SLC38A9: variants seen among roughly 807,000 people sequenced by gnomAD.
SLC38A9 encodes neutral amino acid transporter 9.
In SLC38A9, 48 loss-of-function variants were observed where a neutral mutation model predicts 62.3. The observed-to-expected ratio is 0.77, with a 90% CI of 0.61 to 0.98. The LOEUF is 0.98. Among genes scored for constraint, SLC38A9 ranks in the 50% least tolerant of loss-of-function variants. SLC38A9 has a pLI of 0.00. For missense variants in SLC38A9, 541 were observed against 679.8 expected, an observed-to-expected ratio of 0.80 and a Z score of 2.27; for synonymous variants, 204 against 227.7, an observed-to-expected ratio of 0.90 and a Z score of 0.94.
intron 3 of SLC38A9, among the ~76,000 whole-genome samples, chr5:55,683,675 C>T (rs1753359847): frequency 6.6e-6 from 1 of 152,186 alleles, no homozygotes; most frequent in South Asian, 2.1e-4. Context: ...TGTCTGGCTT[C>T]TTTTGCCAAC....
intron 14 of SLC38A9, among the ~76,000 whole-genome samples, chr5:55,633,063 G>A (rs73119744): frequency 0.049 from 7,387 of 151,028 alleles, 309 homozygotes; most frequent in African/African-American, 0.12. Flanking sequence ...GAGCAGTGGC[G>A]TGATCTCAGC....
intron 10 of SLC38A9, among the ~76,000 whole-genome samples, chr5:55,649,895 T>C (rs1747084271): frequency 6.6e-6 from 1 of 152,114 alleles, no homozygotes; most frequent in African/African-American, 2.4e-5. Context: ...GCAAAACTGC[T>C]TCATTTACTT....
At chr5:55,697,576 G>A (rs1425417681) in intron 3 of SLC38A9, among the ~76,000 whole-genome samples, 4 of 145,596 alleles carry the variant, frequency 2.7e-5, no homozygotes, top group African/African-American at 1.0e-4. Context: ...ATACATATTT[G>A]TTAAATGAAT....
chr5:55,626,268 G>A lies in SLC38A9; in HGVS notation c.*226C>T. 2.6e-6 allele frequency: 1 copy of A among 384,474 alleles called. No homozygotes were observed. The highest frequency in any genetic ancestry group is 4.0e-5 in the Admixed American group (1 of 25,052). 23.8% of individuals were successfully genotyped at this position (384,474 alleles called of 1,614,324 possible). A position where few individuals can be genotyped will look rare whatever the true frequency, so the allele number is the denominator to read the frequency against. ...TCAGAAAAGACCACAGAATAAAGAG[G>A]TGAGTTAATATGAGAAAGGTAAAGA... On this transcript the variant is annotated 3_prime_UTR_variant, in exon 16 of 16. Transcript: ENST00000396865.
At chr5:55,627,274 G>A (rs1295477581) in intron 15 of SLC38A9, among the ~76,000 whole-genome samples, 1 of 151,980 alleles carries the variant, frequency 6.6e-6, no homozygotes, top group Non-Finnish European at 1.5e-5. Flanking sequence ...TTAGGTAAGA[G>A]TGTTCCAAAA....
At chr5:55,663,732 C>G (rs1195211124) in intron 8 of SLC38A9, among the ~76,000 whole-genome samples, 1 of 151,480 alleles carries the variant, frequency 6.6e-6, no homozygotes, top group Non-Finnish European at 1.5e-5. Context: ...GACTCTGTCT[C>G]CAAAAAACCT....
chr5:55,670,384 A>C (rs1478143167), intron 4 of SLC38A9, among the ~76,000 whole-genome samples: 2 of 152,206 alleles, frequency 1.3e-5, no homozygotes, highest in South Asian at 2.1e-4. Context: ...AAAAACCCAA[A>C]ATAATTTTGG....
intron 9 of SLC38A9, among the ~76,000 whole-genome samples, chr5:55,655,862 T>C (rs73127619): frequency 0.043 from 6,572 of 152,250 alleles, 222 homozygotes; most frequent in African/African-American, 0.093. Flanking sequence ...ACCAAAGTTA[T>C]ATTAATGTTT....
intron 12 of SLC38A9, among the ~76,000 whole-genome samples, chr5:55,639,272 T>TAAAAAAAAAA (rs753043231): frequency 4.0e-4 from 22 of 54,502 alleles, no homozygotes; most frequent in East Asian, 9.8e-4. Context: ...AAACTCTGTC[T>TAAAAAAAAAA]AAAAAAAAAA....
At chr5:55,630,128 T>G (rs1165914866) in intron 14 of SLC38A9, among the ~76,000 whole-genome samples, 1 of 152,192 alleles carries the variant, frequency 6.6e-6, no homozygotes, top group African/African-American at 2.4e-5. Flanking sequence ...TCCACAATTA[T>G]ATGAAAAAGC....
At chr5:55,709,509 G>C (rs1274154939) in intron 2 of SLC38A9, among the ~76,000 whole-genome samples, 1 of 151,514 alleles carries the variant, frequency 6.6e-6, no homozygotes. Flanking sequence ...TTGAACCTAG[G>C]AGTTCAAGGT....
chr5:55,649,907 T>C (rs1747085264), intron 10 of SLC38A9, among the ~76,000 whole-genome samples: 2 of 152,118 alleles, frequency 1.3e-5, no homozygotes. Flanking sequence ...CATTTACTTA[T>C]GAGTTGAGTT....
intron 1 of SLC38A9, among the ~76,000 whole-genome samples, chr5:55,711,725 A>G (rs527436437): frequency 6.6e-6 from 1 of 151,878 alleles, no homozygotes; most frequent in Non-Finnish European, 1.5e-5. Context: ...GATGTCCCCA[A>G]CTCGGGATGG....
At chr5:55,692,896 A>G in intron 3 of SLC38A9, 14 of 977,990 alleles carry the variant, frequency 1.4e-5, no homozygotes, top group Non-Finnish European at 1.6e-5. Flanking sequence ...TTATTTCATT[A>G]TCTTTTCTGA....
intron 12 of SLC38A9, 38 bp downstream of exon 12, chr5:55,645,751 G>A (rs112664540): frequency 4.0e-5 from 56 of 1,383,582 alleles, no homozygotes; most frequent in East Asian, 1.6e-4. Flanking sequence ...ATTTATCCTC[G>A]GGAGATACAA....
chr5:55,682,449 C>G (rs569213387), intron 3 of SLC38A9, among the ~76,000 whole-genome samples: 1 of 152,240 alleles, frequency 6.6e-6, no homozygotes, highest in East Asian at 1.9e-4. Flanking sequence ...AATGCTAGTA[C>G]AGGATGAGTT....
At chr5:55,657,356 C>T (rs903223001) in intron 8 of SLC38A9, among the ~76,000 whole-genome samples, 1 of 152,026 alleles carries the variant, frequency 6.6e-6, no homozygotes, top group East Asian at 1.9e-4. Flanking sequence ...TTTAAAGCCC[C>T]GGAATAAAGA....
chr5:55,638,586 C>T (rs570438184), intron 12 of SLC38A9, among the ~76,000 whole-genome samples: 5 of 152,264 alleles, frequency 3.3e-5, no homozygotes, highest in Non-Finnish European at 7.4e-5. Flanking sequence ...TTTGGGAACA[C>T]ATTCTGTTTG....
Position 55,645,804 on chromosome 5 carries a change from C to T in SLC38A9, c.1152G>A (p.Lys384=). Residue 384 remains lysine, a synonymous_variant, in exon 12 of 16, where the codon AAG becomes AAA. Transcript: ENST00000396865. Reference sequence around the variant, plus strand: ...AATTACTCACATTGTTTTCTTGTTTCTTGTTGTTCTTCAAGAGTGTGATGA... The same window carrying T: ...AATTACTCACATTGTTTTCTTGTTTTTTGTTGTTCTTCAAGAGTGTGATGA... ...NCIITLLKNN[K]KQENNVRDLC... The T allele has an allele frequency of 6.2e-7, 1 of 1,604,294 alleles. No homozygotes were observed.
Sources: gnomAD v4.1 joint callset for allele counts (sites outside exome capture counted in the v4.1 genomes callset) on GRCh38, gnomAD v4.1.1 for gene constraint, MANE v1.5 for transcripts, NCBI Gene and HGNC (gene_info 2026-07-23, HGNC 2026-07-21) for gene names.